The following RAB7A variants were observed in gnomAD, a reference collection of about 807,000 sequenced individuals.
RAB7A encodes the protein ras-related protein Rab-7a.
Under a neutral mutation model 24.5 loss-of-function variants are expected in RAB7A, and 2 were observed. That is an observed-to-expected ratio of 0.08 (90% CI 0.03 to 0.26). RAB7A has a LOEUF of 0.26. Ranked by LOEUF, RAB7A falls within the 10% of genes least tolerant of loss-of-function variation. The pLI, the probability that RAB7A is intolerant of heterozygous loss-of-function variation, is 1.00. For synonymous variants in RAB7A, 100 were observed against 95.9 expected (o/e 1.04, Z -0.25); for missense variants, 118 against 255.7 (o/e 0.46, Z 3.67).
chr3:128,795,320 T>C (rs760549551), intron 1 of RAB7A, 40 bp from the exon 2 acceptor site: 3 of 1,549,608 alleles, frequency 1.9e-6, no homozygotes, highest in East Asian at 2.2e-5. Context: ...TTTTGGTGTT[T>C]CCATCACACT....
At chr3:128,774,837 G>T (rs1430746681) in intron 1 of RAB7A, among the ~76,000 whole-genome samples, 1 of 152,204 alleles carries the variant, frequency 6.6e-6, no homozygotes, top group Non-Finnish European at 1.5e-5. Flanking sequence ...CTCCCAAAGT[G>T]CTGGGATTAC....
At chr3:128,790,255 T>G (rs1189055208) in intron 1 of RAB7A, among the ~76,000 whole-genome samples, 1 of 152,242 alleles carries the variant, frequency 6.6e-6, no homozygotes, top group East Asian at 1.9e-4. Context: ...GCAACAACTC[T>G]GAAATGCTTA....
At chr3:128,784,806 T>G (rs146012650) in intron 1 of RAB7A, among the ~76,000 whole-genome samples, 79 of 152,302 alleles carry the variant, frequency 5.2e-4, no homozygotes, top group Non-Finnish European at 9.6e-4. Context: ...CACAGTAGTA[T>G]TTTACTTTTT....
intron 1 of RAB7A, among the ~76,000 whole-genome samples, chr3:128,763,447 G>T (rs1320378356): frequency 6.6e-6 from 1 of 151,890 alleles, no homozygotes; most frequent in Non-Finnish European, 1.5e-5. Flanking sequence ...TCGATCTCCT[G>T]ATTTTGTGAT....
intron 1 of RAB7A, among the ~76,000 whole-genome samples, chr3:128,746,870 G>A (rs1013003817): frequency 4.0e-5 from 6 of 151,732 alleles, no homozygotes; most frequent in South Asian, 4.1e-4. Context: ...GTGATATCAC[G>A]TGGTAATTGT....
chr3:128,800,988 C>G (rs1269364179), intron 3 of RAB7A, among the ~76,000 whole-genome samples: 4 of 152,176 alleles, frequency 2.6e-5, no homozygotes, highest in Non-Finnish European at 5.9e-5. Flanking sequence ...TTGAGGAATC[C>G]TCATGTGTTT....
At chr3:128,762,332 A>G (rs2070781667) in intron 1 of RAB7A, among the ~76,000 whole-genome samples, 1 of 152,222 alleles carries the variant, frequency 6.6e-6, no homozygotes, top group Non-Finnish European at 1.5e-5. Context: ...AACTCTTCCC[A>G]AGGAATTGGA....
intron 1 of RAB7A, among the ~76,000 whole-genome samples, chr3:128,751,501 G>GTC (rs1346047992): frequency 2.0e-5 from 3 of 152,216 alleles, no homozygotes; most frequent in Admixed American, 1.3e-4. Context: ...GATGGGGCCT[G>GTC]TAGCCTCTTT....
chr3:128,751,535 A>G lies in RAB7A; in HGVS notation c.-9+25176A>G, dbSNP rs1414366951. On this transcript the variant is annotated intron_variant, in intron 1 of 5. Transcript: ENST00000265062. ...TTGTTTTGACCAATTTCTACCATTC[A>G]GAACAGCTGTATTTACCCAATGCCT... is the stretch of plus-strand genomic sequence containing the variant. Among the ~76,000 whole-genome samples the G allele has an allele frequency of 2.6e-5, 4 of 152,200 alleles. No homozygotes were observed. In the East Asian group the frequency reaches 7.7e-4, roughly 29 times the overall value.
At chr3:128,788,164 A>G (rs1330011953) in intron 1 of RAB7A, among the ~76,000 whole-genome samples, 6 of 152,212 alleles carry the variant, frequency 3.9e-5, no homozygotes, top group Admixed American at 6.5e-5. Context: ...TATCACATCA[A>G]TGTTGCAATG....
At chr3:128,789,195 A>G (rs1933402295) in intron 1 of RAB7A, among the ~76,000 whole-genome samples, 1 of 152,236 alleles carries the variant, frequency 6.6e-6, no homozygotes, top group Admixed American at 6.5e-5. Flanking sequence ...CTTTCCTTGA[A>G]GGACCAGGTC....
At chr3:128,750,989 G>A (rs539189209) in intron 1 of RAB7A, among the ~76,000 whole-genome samples, 16 of 152,350 alleles carry the variant, frequency 1.1e-4, no homozygotes, top group Non-Finnish European at 1.9e-4. Context: ...GCCCCAAGCT[G>A]TGGCAGCTTC....
At chr3:128,756,882 CA>C (rs2070733822) in intron 1 of RAB7A, among the ~76,000 whole-genome samples, 1 of 148,122 alleles carries the variant, frequency 6.8e-6, no homozygotes, top group African/African-American at 2.5e-5. Flanking sequence ...TGCGCTCTGT[CA>C]CCCACGCTGG....
chr3:128,769,255 A>G (rs2070862451), intron 1 of RAB7A, among the ~76,000 whole-genome samples: 2 of 152,044 alleles, frequency 1.3e-5, no homozygotes, highest in South Asian at 4.1e-4. Flanking sequence ...TCCCTTTCAC[A>G]TTCTTACCAG....
chr3:128,742,919 C>T lies in RAB7A; in HGVS notation c.-9+16560C>T, dbSNP rs373025512. On this transcript the variant is annotated intron_variant, in intron 1 of 5. Coordinates refer to ENST00000265062, the MANE Select transcript of RAB7A (RefSeq NM_004637.6). ...GGAGCTGCCCAGCAGTCCCATGCTGCGCACCTGCACTCCTCAGCCCTTGGG... is the reference window on the plus strand; with the variant it reads ...GGAGCTGCCCAGCAGTCCCATGCTGTGCACCTGCACTCCTCAGCCCTTGGG... Among the ~76,000 whole-genome samples, 17 of 152,356 alleles carry T rather than the reference C, an allele frequency of 1.1e-4. 1 individual carries two copies. Among genetic ancestry groups the T allele is most frequent in the Admixed American group, 3.3e-4 (5 of 15,308 alleles).
At position 128,786,348 on chromosome 3, in the gene RAB7A, C is replaced by T. The variant is rs923614546; in HGVS notation, c.-8-9012C>T. Among the ~76,000 whole-genome samples, 4 of 152,302 alleles carry T rather than the reference C, an allele frequency of 2.6e-5. No individual in the cohort carries two copies. In the South Asian group the frequency reaches 8.3e-4, roughly 32 times the overall value. The stretch of plus-strand genomic sequence containing the variant: ...GCCTACAACAGACACTGCTGTTCTG[C>T]TTGATGCCCAGTGCAGTAGTATTAT... On this transcript the variant is annotated intron_variant, in intron 1 of 5. Transcript: ENST00000265062.
chr3:128,755,422 C>T (rs1462094627), intron 1 of RAB7A, among the ~76,000 whole-genome samples: 2 of 151,864 alleles, frequency 1.3e-5, no homozygotes, highest in Non-Finnish European at 2.9e-5. Context: ...GATCTCAAAT[C>T]ACCAATCTAA....
At chr3:128,729,547 G>A (rs1163287753) in intron 1 of RAB7A, among the ~76,000 whole-genome samples, 1 of 149,112 alleles carries the variant, frequency 6.7e-6, no homozygotes, top group African/African-American at 2.5e-5. Context: ...TCCAGCCTGG[G>A]CGACAGAGCG....
intron 5 of RAB7A, 84 bp from the exon 6 acceptor site, chr3:128,813,219 ACTCTGCCCAAGCAGAAGTGAGCCC>A (rs1933964585): frequency 6.7e-6 from 7 of 1,037,242 alleles, no homozygotes. Flanking sequence ...CTCCCCGCCC[ACTCTGCCCAAGCAGAAGTGAGCCC>A]CTCCTGGGCA....
Sources: gnomAD v4.1 joint callset for allele counts (sites outside exome capture counted in the v4.1 genomes callset) on GRCh38, gnomAD v4.1.1 for gene constraint, MANE v1.5 for transcripts, NCBI Gene and HGNC (gene_info 2026-07-23, HGNC 2026-07-21) for gene names.